Variants in PRKCZ observed in about 807,000 individuals in gnomAD.
PRKCZ encodes the protein protein kinase C zeta.
A neutral mutation model predicts 79.5 loss-of-function variants in PRKCZ; 33 were observed. The ratio of observed to expected loss-of-function variants is 0.41; its 90% CI spans 0.31 to 0.55. The LOEUF is 0.55. Ranked by LOEUF, PRKCZ falls within the 20% of genes least tolerant of loss-of-function variation. The pLI, the probability that PRKCZ is intolerant of heterozygous loss-of-function variation, is 0.19. For synonymous variants in PRKCZ, 342 were observed against 320.9 expected, an observed-to-expected ratio of 1.07 and a Z score of -0.70; for missense variants, 578 against 813.5, an observed-to-expected ratio of 0.71 and a Z score of 3.52.
intron 4 of PRKCZ, among the ~76,000 whole-genome samples, chr1:2,088,931 CTT>C (rs557060394): frequency 2.4e-4 from 36 of 152,294 alleles, no homozygotes; most frequent in Admixed American, 1.0e-3. Flanking sequence ...GAGCCTGTCA[CTT>C]TTGTTTTATT....
intron 4 of PRKCZ, 180 bp from the exon 5 acceptor site, chr1:2,135,082 A>T (rs985466857): frequency 7.4e-6 from 4 of 542,942 alleles, no homozygotes; most frequent in Admixed American, 3.4e-5. Flanking sequence ...CACCATGAGG[A>T]TCATGTGAGG....
intron 4 of PRKCZ, among the ~76,000 whole-genome samples, chr1:2,068,782 G>A (rs541361109): frequency 6.6e-4 from 101 of 152,340 alleles, no homozygotes; most frequent in East Asian, 1.2e-3. Flanking sequence ...CCCCCGCCCC[G>A]TGAGAGGTTC....
At chr1:2,175,370 C>G (rs1458512410) in intron 16 of PRKCZ, 57 bp downstream of exon 16, 5 of 1,434,556 alleles carry the variant, frequency 3.5e-6, no homozygotes, top group Non-Finnish European at 4.8e-6. Context: ...CCAAATCTAC[C>G]CAACCCCCAT....
rs1158006177 is a variant in PRKCZ, at chr1:2,055,495, G to A, written c.126G>A (p.Glu42=). 2 of 1,613,982 alleles carry A rather than the reference G, an allele frequency of 1.2e-6. No individual in the cohort carries two copies. The highest frequency in any genetic ancestry group is 1.7e-5 in the Admixed American group (1 of 60,006). ...DAATTFEELC[E]EVRDMCRLHQ... ...CCACGACCTTCGAGGAGCTCTGTGA[G>A]GAAGTGAGAGACATGTGTCGTCTGC... Residue 42 remains glutamate, a synonymous_variant, in exon 2 of 18, where the codon GAG becomes GAA. Coordinates refer to ENST00000378567, the MANE Select transcript of PRKCZ (RefSeq NM_002744.6).
At chr1:2,091,510 C>G (rs751903109) in intron 4 of PRKCZ, among the ~76,000 whole-genome samples, 7 of 152,192 alleles carry the variant, frequency 4.6e-5, no homozygotes, top group Non-Finnish European at 1.0e-4. Context: ...GTTACGATGT[C>G]TCGCCGTCCT....
Position 2,059,530 on chromosome 1 carries a change from C to G in PRKCZ, c.284-11C>G. The G allele has an allele frequency of 6.2e-7, 1 of 1,614,164 alleles. No individual in the cohort carries two copies. Among genetic ancestry groups the G allele is most frequent in the Non-Finnish European group, 8.5e-7 (1 of 1,180,006 alleles). On this transcript the variant is annotated splice_polypyrimidine_tract_variant and intron_variant, in intron 3 of 17. Transcript: ENST00000378567. ...GGGTCTTGACGCTGTCTCTTTCTCT[C>G]TCTTGTCCAGTTTTCCCGAGCACCC... is the stretch of plus-strand genomic sequence containing the variant.
intron 10 of PRKCZ, 26 bp from the exon 11 acceptor site, chr1:2,169,492 A>G (rs1376461651): frequency 5.8e-6 from 9 of 1,543,524 alleles, no homozygotes; most frequent in East Asian, 4.9e-5. Flanking sequence ...AGGTGACTGC[A>G]GCCTCCGGCG....
chr1:2,096,575 A>G (rs1000904107), intron 4 of PRKCZ, among the ~76,000 whole-genome samples: 1 of 152,110 alleles, frequency 6.6e-6, no homozygotes, highest in Non-Finnish European at 1.5e-5. Context: ...CTGTTGGCCT[A>G]GTTCTGACAG....
chr1:2,159,134 G>C lies in PRKCZ; in HGVS notation c.974+3042G>C, dbSNP rs537300371. ...TAGAAACGGGGTGAGCTCCGGGTTG[G>C]GGGGAGGACCGGCAGCTGCCTTAGT... On this transcript the variant is annotated intron_variant, in intron 10 of 17. Transcript: ENST00000378567. Among the ~76,000 whole-genome samples the C allele has an allele frequency of 3.5e-4, 53 of 152,270 alleles. No homozygotes were observed. In the Middle Eastern group the frequency reaches 0.014, roughly 39 times the overall value.
intron 9 of PRKCZ, among the ~76,000 whole-genome samples, chr1:2,153,492 T>A (rs775906615): frequency 5.3e-5 from 8 of 152,182 alleles, no homozygotes; most frequent in Non-Finnish European, 1.2e-4. Flanking sequence ...GCAGGGCGTG[T>A]CTGTGCAGTG....
At chr1:2,059,741 G>T in intron 4 of PRKCZ, 150 bp downstream of exon 4, 3 of 967,084 alleles carry the variant, frequency 3.1e-6, no homozygotes, top group Non-Finnish European at 4.8e-6. Flanking sequence ...CGCAGGTGGG[G>T]TTTTCACTGC....
Position 2,178,926 on chromosome 1 carries a change from C to G in PRKCZ, c.1575+3613C>G, listed in dbSNP as rs911942118. ...GAGCTGGGACAGGGTCACAGTCACC[C>G]CAAAGCCGCCCCCTCCTTGCCTATC... On this transcript the variant is annotated intron_variant, in intron 16 of 17. Coordinates refer to ENST00000378567, the MANE Select transcript of PRKCZ (RefSeq NM_002744.6). This position sits in a 1 kb window ranked among gnomAD's most constrained non-coding sequence, Gnocchi z 4.3. 2.0e-5 allele frequency among the ~76,000 whole-genome samples: 3 copies of G among 152,180 alleles called. No individual in the cohort carries two copies. The highest frequency in any genetic ancestry group is 2.9e-5 in the Non-Finnish European group (2 of 68,022).
intron 4 of PRKCZ, among the ~76,000 whole-genome samples, chr1:2,101,668 A>G (rs1667461664): frequency 6.6e-6 from 1 of 151,988 alleles, no homozygotes; most frequent in South Asian, 2.1e-4. Context: ...AGGGTGGGAG[A>G]GCACCTCCCC....
chr1:2,079,374 A>G (rs1663051592), intron 4 of PRKCZ, among the ~76,000 whole-genome samples: 1 of 152,248 alleles, frequency 6.6e-6, no homozygotes, highest in Non-Finnish European at 1.5e-5. Context: ...GCACTGAGGC[A>G]CAGACAGGTC....
At chr1:2,079,692 C>T (rs368657009) in intron 4 of PRKCZ, among the ~76,000 whole-genome samples, 15 of 152,342 alleles carry the variant, frequency 9.8e-5, no homozygotes, top group African/African-American at 3.4e-4. Context: ...GTGCTGGCAG[C>T]GGTTGGTGAT....
At position 2,084,661 on chromosome 1, in the gene PRKCZ, C is replaced by T. The variant is rs921804235; in HGVS notation, c.334+25070C>T. 2.6e-5 allele frequency among the ~76,000 whole-genome samples: 4 copies of T among 152,226 alleles called. No homozygotes were observed. The South Asian group carries it at 8.3e-4, about 31-fold the overall frequency. On this transcript the variant is annotated intron_variant, in intron 4 of 17. Transcript: ENST00000378567. ...CCAGCTGTCAGTGCCAGCCACCTGC[C>T]TGCCCAGCATCGGGTCTGTGTGGCA...
In PRKCZ at chr1:2,161,072, C is replaced by T. The variant is rs536042148; in HGVS notation, c.974+4980C>T. On this transcript the variant is annotated intron_variant, in intron 10 of 17. Transcript: ENST00000378567. ...TTCTTGGGGAACATGAGTCACCTCC[C>T]TTTCAAAACCCATCCGTGTGCTGGA... is the stretch of plus-strand genomic sequence containing the variant. Among the ~76,000 whole-genome samples, 18 of 152,250 alleles carry T rather than the reference C, an allele frequency of 1.2e-4. No individual in the cohort carries two copies. The East Asian group carries it at 3.1e-3, about 26-fold the overall frequency.
At chr1:2,074,250 G>A in intron 4 of PRKCZ, 1 of 1,550,474 alleles carries the variant, frequency 6.4e-7, no homozygotes, top group Non-Finnish European at 8.7e-7. Context: ...GCTGCTGGAG[G>A]GACATGCTCA....
chr1:2,170,263 TG>T (rs1446762992), intron 11 of PRKCZ, among the ~76,000 whole-genome samples: 1 of 152,118 alleles, frequency 6.6e-6, no homozygotes, highest in Non-Finnish European at 1.5e-5. Context: ...GCCTCCAGCA[TG>T]GTTCAGGAGC....
Sources: gnomAD v4.1 joint callset for allele counts (sites outside exome capture counted in the v4.1 genomes callset) on GRCh38, gnomAD v4.1.1 for gene constraint, Gnocchi (gnomAD v3.1) non-coding constraint, MANE v1.5 for transcripts, NCBI Gene and HGNC (gene_info 2026-07-23, HGNC 2026-07-21) for gene names.